Variants in NHS observed in about 807,000 individuals in gnomAD.
NHS encodes NHS actin remodeling regulator.
A neutral mutation model predicts 72.5 loss-of-function variants in NHS; 5 were observed. The ratio of observed to expected loss-of-function variants is 0.07; its 90% CI spans 0.04 to 0.14. The LOEUF (loss-of-function observed/expected upper bound fraction) is 0.14. Among genes scored for constraint, NHS ranks in the 10% least tolerant of loss-of-function variants. The probability of loss-of-function intolerance (pLI) is 1.00; values close to 1 mark genes in which losing one functional copy is unlikely to be tolerated. For synonymous variants in NHS, 464 were observed against 547.7 expected (o/e 0.85, Z 2.13); for missense variants, 1,072 against 1,355.7 (o/e 0.79, Z 3.29).
chrX:17,536,373 A>C (rs1465685703), intron 1 of NHS, among the ~76,000 whole-genome samples: 1 of 112,301 alleles, frequency 8.9e-6, no homozygotes, highest in Non-Finnish European at 1.9e-5. Flanking sequence ...AAACAAACAA[A>C]AAACAAACAA....
intron 1 of NHS, among the ~76,000 whole-genome samples, chrX:17,587,661 T>A (rs1286549556): frequency 1.8e-5 from 2 of 112,391 alleles, no homozygotes; most frequent in Non-Finnish European, 3.7e-5. Flanking sequence ...TGTACAGGGC[T>A]GTGTGAACGG....
intron 1 of NHS, among the ~76,000 whole-genome samples, chrX:17,540,807 C>A (rs779683848): frequency 8.9e-6 from 1 of 112,150 alleles, no homozygotes; most frequent in Non-Finnish European, 1.9e-5. Context: ...GGGCTGGGCA[C>A]GGTGGCTTAT....
intron 1 of NHS, among the ~76,000 whole-genome samples, chrX:17,440,935 A>T (rs1345801381): frequency 9.0e-6 from 1 of 111,448 alleles, no homozygotes; most frequent in Non-Finnish European, 1.9e-5. Flanking sequence ...TGGGGAGCCC[A>T]AGGAGCTATC....
intron 3 of NHS, among the ~76,000 whole-genome samples, chrX:17,718,506 GGAA>G (rs1430315309): frequency 2.1e-5 from 2 of 94,665 alleles, no homozygotes; most frequent in African/African-American, 3.9e-5. Flanking sequence ...GAAGGAAAAA[GGAA>G]GAAGGGAAGG....
intron 1 of NHS, among the ~76,000 whole-genome samples, chrX:17,461,707 A>G (rs1205298054): frequency 1.8e-5 from 2 of 112,933 alleles, no homozygotes; most frequent in Non-Finnish European, 3.7e-5. Flanking sequence ...TTGGCTTACA[A>G]TTCTGTGGGT....
chrX:17,507,538 CTG>C (rs1331034526), intron 1 of NHS, among the ~76,000 whole-genome samples: 2 of 112,151 alleles, frequency 1.8e-5, no homozygotes, highest in African/African-American at 3.2e-5. Context: ...AATTTTGCCT[CTG>C]GGGATTCTCC....
intron 3 of NHS, among the ~76,000 whole-genome samples, chrX:17,710,024 A>G (rs1051789968): frequency 8.9e-6 from 1 of 111,853 alleles, no homozygotes; most frequent in African/African-American, 3.3e-5. Flanking sequence ...GACAATGCTA[A>G]CAGAAACAGT....
chrX:17,383,606 AG>A (rs1193281317), intron 1 of NHS, among the ~76,000 whole-genome samples: 1 of 112,208 alleles, frequency 8.9e-6, no homozygotes. Context: ...TGAAGGGGGA[AG>A]TGCTACACAC....
chrX:17,574,027 A>T (rs1449043940), intron 1 of NHS, among the ~76,000 whole-genome samples: 2 of 111,052 alleles, frequency 1.8e-5, no homozygotes, highest in Admixed American at 1.9e-4. Context: ...AACAGTAAAT[A>T]CTGCTGCCCG....
In NHS at chrX:17,680,240, G is replaced by C. The variant is rs918622019; in HGVS notation, c.566-7502G>C. Among the ~76,000 whole-genome samples the C allele has an allele frequency of 2.7e-5, 3 of 112,456 alleles. No homozygotes were observed. In the Admixed American group the frequency reaches 2.8e-4, roughly 11 times the overall value. On this transcript the variant is annotated intron_variant, in intron 1 of 8. Coordinates refer to ENST00000676302, the MANE Select transcript of NHS (RefSeq NM_001291867.2). ...AAATAATGACTGAGAGATATGAAGG[G>C]TGCAGAAGCTAGGCTGATTATCCCC...
At chrX:17,720,524 C>G (rs1405916046) in intron 4 of NHS, among the ~76,000 whole-genome samples, 3 of 112,522 alleles carry the variant, frequency 2.7e-5, no homozygotes, top group Non-Finnish European at 5.6e-5. Context: ...TTTTAATCAT[C>G]TAGTTTAGAA....
At position 17,569,582 on chromosome X, in the gene NHS, G is replaced by T. The variant is rs749985289; in HGVS notation, c.566-118160G>T. Among the ~76,000 whole-genome samples the T allele has an allele frequency of 4.5e-5, 5 of 112,007 alleles. No homozygotes were observed. The East Asian group carries it at 1.4e-3, about 31-fold the overall frequency. On this transcript the variant is annotated intron_variant, in intron 1 of 8. Transcript: ENST00000676302. ...TCTGGATATTAGCCCTTTGTCAGAT[G>T]AATACATTGCAAAAATGTTCTCCCA... is the stretch of plus-strand genomic sequence containing the variant.
chrX:17,559,072 A>G (rs1404389861), intron 1 of NHS, among the ~76,000 whole-genome samples: 3 of 112,233 alleles, frequency 2.7e-5, no homozygotes, highest in Non-Finnish European at 3.8e-5. Flanking sequence ...TCTCATGTCC[A>G]GGGTAGCAAA....
intron 1 of NHS, among the ~76,000 whole-genome samples, chrX:17,608,671 C>CT (rs774714519): frequency 3.6e-3 from 356 of 99,685 alleles, no homozygotes; most frequent in African/African-American, 4.8e-3. Context: ...AATGAAAAGA[C>CT]TTTTTTTTTT....
At chrX:17,507,294 T>C (rs145252706) in intron 1 of NHS, among the ~76,000 whole-genome samples, 2,155 of 112,440 alleles carry the variant, frequency 0.019, 38 homozygotes, top group Middle Eastern at 0.037. Flanking sequence ...ATAATGTTAC[T>C]GATGTTTTGA....
intron 1 of NHS, among the ~76,000 whole-genome samples, chrX:17,515,323 A>G (rs1197637170): frequency 8.9e-6 from 1 of 111,771 alleles, no homozygotes; most frequent in African/African-American, 3.3e-5. Context: ...CAACATTGGG[A>G]GTATTCCATT....
intron 1 of NHS, among the ~76,000 whole-genome samples, chrX:17,679,638 T>C (rs2066111488): frequency 1.8e-5 from 2 of 110,916 alleles, no homozygotes; most frequent in Admixed American, 1.9e-4. Flanking sequence ...GGTAGATAGA[T>C]GGCAAACAGT....
chrX:17,646,228 C>G (rs1035961448), intron 1 of NHS, among the ~76,000 whole-genome samples: 1 of 112,278 alleles, frequency 8.9e-6, no homozygotes, highest in Middle Eastern at 4.2e-3. Context: ...AGGCATGAGC[C>G]ACCATGCCCA....
At position 17,617,668 on chromosome X, in the gene NHS, G is replaced by A. The variant is rs191835503; in HGVS notation, c.566-70074G>A. ...TATTTATTTATAATAGGAAACTGGG[G>A]TTAGGAATTGATTTCCCCAGAATGC... On this transcript the variant is annotated intron_variant, in intron 1 of 8. Coordinates refer to ENST00000676302, the MANE Select transcript of NHS (RefSeq NM_001291867.2). Among the ~76,000 whole-genome samples the A allele has an allele frequency of 1.2e-4, 13 of 112,359 alleles. No homozygotes were observed. The East Asian group carries it at 3.1e-3, about 27-fold the overall frequency.
Sources: allele counts gnomAD v4.1 joint callset (sites outside exome capture counted in the v4.1 genomes callset), GRCh38; gene constraint gnomAD v4.1.1; transcripts MANE v1.5; gene names NCBI Gene and HGNC (gene_info 2026-07-23, HGNC 2026-07-21).